The following LDLRAD3 variants were observed in gnomAD, a reference collection of about 807,000 sequenced individuals.
The protein encoded by LDLRAD3 is low-density lipoprotein receptor class A domain-containing protein 3.
In LDLRAD3, 20 loss-of-function variants were observed where a neutral mutation model predicts 29.4. The ratio of observed to expected loss-of-function variants is 0.68; its 90% confidence interval spans 0.48 to 0.99. LDLRAD3 has a LOEUF of 0.99. Among genes scored for constraint, LDLRAD3 ranks in the 50% least tolerant of loss-of-function variants. The pLI, the probability that LDLRAD3 is intolerant of heterozygous loss-of-function variation, is 0.00. For synonymous variants in LDLRAD3, 157 were observed against 192.7 expected (o/e 0.81, Z 1.53); for missense variants, 420 against 454.3 (o/e 0.92, Z 0.69).
At chr11:36,172,033 G>A (rs564457863) in intron 4 of LDLRAD3, among the ~76,000 whole-genome samples, 6 of 152,042 alleles carry the variant, frequency 3.9e-5, no homozygotes, top group Non-Finnish European at 7.4e-5. Flanking sequence ...GGTCTTTCAT[G>A]TTCTTGGTTA....
chr11:36,087,946 T>C (rs1853219880), intron 3 of LDLRAD3, among the ~76,000 whole-genome samples: 1 of 151,888 alleles, frequency 6.6e-6, no homozygotes, highest in South Asian at 2.1e-4. Flanking sequence ...GTCAAACTCC[T>C]AGCCTCAAGA....
At chr11:36,039,055 C>T (rs1264013752) in intron 2 of LDLRAD3, among the ~76,000 whole-genome samples, 2 of 151,026 alleles carry the variant, frequency 1.3e-5, no homozygotes, top group East Asian at 2.0e-4. Flanking sequence ...CTGTAAGCTC[C>T]GCCTCCCGGG....
intron 4 of LDLRAD3, among the ~76,000 whole-genome samples, chr11:36,172,639 C>T (rs543455023): frequency 7.2e-5 from 11 of 152,056 alleles, no homozygotes; most frequent in Admixed American, 3.9e-4. Flanking sequence ...TCTTGACTTG[C>T]GTATATTAAA....
intron 4 of LDLRAD3, among the ~76,000 whole-genome samples, chr11:36,158,945 G>A (rs1173082776): frequency 2.0e-5 from 3 of 152,052 alleles, no homozygotes; most frequent in Non-Finnish European, 4.4e-5. Flanking sequence ...CATTCAGAAA[G>A]GTCTAGCTAT....
At position 36,229,618 on chromosome 11, in the gene LDLRAD3, A is replaced by C; in HGVS notation, c.*221A>C. 2.0e-6 allele frequency: 1 copy of C among 501,794 alleles called. No homozygotes were observed. Among genetic ancestry groups the C allele is most frequent in the Non-Finnish European group, 3.5e-6 (1 of 283,290 alleles). 31.1% of individuals were successfully genotyped at this position (501,794 alleles called of 1,614,324 possible). ...TGTTGTGCGTCTTTTCTGTCAGGTC[A>C]CTCTTCCCTTGGGACCCGAGATCAC... On this transcript the variant is annotated 3_prime_UTR_variant, in exon 6 of 6. Coordinates refer to ENST00000315571, the MANE Select transcript of LDLRAD3 (RefSeq NM_174902.4).
chr11:36,150,628 G>A (rs934949785), intron 4 of LDLRAD3, among the ~76,000 whole-genome samples: 9 of 152,122 alleles, frequency 5.9e-5, no homozygotes, highest in Admixed American at 3.9e-4. Flanking sequence ...GGTGGCGGGC[G>A]CCTGTAGTCC....
At chr11:36,053,171 A>G (rs1269391776) in intron 2 of LDLRAD3, among the ~76,000 whole-genome samples, 1 of 152,210 alleles carries the variant, frequency 6.6e-6, no homozygotes, top group Non-Finnish European at 1.5e-5. Flanking sequence ...TTTGATTTTC[A>G]CAGAGGCTTC....
intron 1 of LDLRAD3, among the ~76,000 whole-genome samples, chr11:36,015,972 TG>T (rs1324085504): frequency 2.0e-5 from 3 of 152,148 alleles, no homozygotes; most frequent in Non-Finnish European, 2.9e-5. Flanking sequence ...CCCAGTAGCA[TG>T]GAAATAGGAG....
chr11:35,973,711 T>C (rs969229962), intron 1 of LDLRAD3, among the ~76,000 whole-genome samples: 3 of 152,152 alleles, frequency 2.0e-5, no homozygotes, highest in Non-Finnish European at 4.4e-5. Flanking sequence ...CCTTAGGTGA[T>C]ATGCCCACCT....
rs114223105 is a variant in LDLRAD3, at chr11:35,968,347, C to T, written c.46+24203C>T. The T allele has an allele frequency of 6.1e-3, 2,184 of 360,382 alleles. 50 individuals carry two copies. The highest frequency in any genetic ancestry group is 0.041 in the African/African-American group (1,952 of 47,098). 22.3% of individuals were successfully genotyped at this position (360,382 alleles called of 1,614,324 possible). On this transcript the variant is annotated intron_variant, in intron 1 of 5. Coordinates refer to ENST00000315571, the MANE Select transcript of LDLRAD3 (RefSeq NM_174902.4). Reference sequence around the variant, plus strand: ...GGAGGCTTTGCTGTTGGAGAAATAACGTCTGGCTCAGCGGGCTTTTGGGAG... The same window carrying T: ...GGAGGCTTTGCTGTTGGAGAAATAATGTCTGGCTCAGCGGGCTTTTGGGAG...
intron 4 of LDLRAD3, among the ~76,000 whole-genome samples, chr11:36,178,725 TC>T (rs1470419568): frequency 1.3e-5 from 2 of 152,228 alleles, no homozygotes; most frequent in African/African-American, 4.8e-5. Flanking sequence ...GTTGTTTCCA[TC>T]CTTCAAGACT....
At chr11:35,958,083 C>G (rs770087830) in intron 1 of LDLRAD3, among the ~76,000 whole-genome samples, 1 of 152,162 alleles carries the variant, frequency 6.6e-6, no homozygotes, top group Non-Finnish European at 1.5e-5. Context: ...TGCCAGTATA[C>G]TAAAATACTA....
intron 4 of LDLRAD3, among the ~76,000 whole-genome samples, chr11:36,164,330 A>G (rs957771346): frequency 3.3e-5 from 5 of 152,240 alleles, no homozygotes; most frequent in Admixed American, 6.5e-5. Flanking sequence ...ATTGAACAAG[A>G]GTCAGCCACT....
At chr11:35,985,256 C>G (rs1316091490) in intron 1 of LDLRAD3, among the ~76,000 whole-genome samples, 1 of 152,210 alleles carries the variant, frequency 6.6e-6, no homozygotes, top group Non-Finnish European at 1.5e-5. Context: ...CTTGGTGCTT[C>G]CTGTACCCTT....
chr11:35,974,553 G>A (rs1199849756), intron 1 of LDLRAD3, among the ~76,000 whole-genome samples: 5 of 152,182 alleles, frequency 3.3e-5, no homozygotes, highest in Non-Finnish European at 7.3e-5. Flanking sequence ...TCTGAGACTC[G>A]ACTGGGGAAG....
chr11:36,209,401 C>T (rs1461549413), intron 4 of LDLRAD3, among the ~76,000 whole-genome samples: 1 of 145,818 alleles, frequency 6.9e-6, no homozygotes, highest in Non-Finnish European at 1.5e-5. Flanking sequence ...GCTCTGTCAC[C>T]CAGGCTGGAG....
chr11:36,000,549 G>A (rs138461959), intron 1 of LDLRAD3, among the ~76,000 whole-genome samples: 48 of 152,180 alleles, frequency 3.2e-4, no homozygotes, highest in African/African-American at 1.1e-3. Flanking sequence ...TTGGGGTCTG[G>A]TTCCATGAGC....
chr11:36,222,612 G>A (rs899854857), intron 4 of LDLRAD3, among the ~76,000 whole-genome samples: 1 of 152,132 alleles, frequency 6.6e-6, no homozygotes, highest in African/African-American at 2.4e-5. Flanking sequence ...TGCATCTGGA[G>A]GAGGGGATTT....
At chr11:35,973,450 TTTTG>T (rs1192210551) in intron 1 of LDLRAD3, among the ~76,000 whole-genome samples, 3 of 151,982 alleles carry the variant, frequency 2.0e-5, no homozygotes, top group South Asian at 4.2e-4. Flanking sequence ...TTTGTAGGTG[TTTTG>T]TTTGTTTGTT....
Sources: gnomAD v4.1 joint callset for allele counts (sites outside exome capture counted in the v4.1 genomes callset) on GRCh38, gnomAD v4.1.1 for gene constraint, MANE v1.5 for transcripts, NCBI Gene and HGNC (gene_info 2026-07-23, HGNC 2026-07-21) for gene names.